KCNMB4: variants seen among roughly 807,000 people sequenced by gnomAD.
KCNMB4 encodes potassium calcium-activated channel subfamily M regulatory beta subunit 4, also known as calcium-activated potassium channel subunit beta-4.
Under a neutral mutation model 20.7 loss-of-function variants are expected in KCNMB4, and 3 were observed. The ratio of observed to expected loss-of-function variants is 0.14; its 90% CI spans 0.07 to 0.37. The LOEUF is 0.37. Ranked by LOEUF, KCNMB4 falls within the 10% of genes least tolerant of loss-of-function variation. The pLI is 1.00. For synonymous variants in KCNMB4, 110 were observed against 113.4 expected (o/e 0.97, Z 0.19); for missense variants, 168 against 265.9 (o/e 0.63, Z 2.56).
chr12:70,390,787 C>T (rs988344181), intron 1 of KCNMB4, among the ~76,000 whole-genome samples: 5 of 152,208 alleles, frequency 3.3e-5, no homozygotes, highest in African/African-American at 1.2e-4. Context: ...AGTTCATGGA[C>T]TCCCTGGGCC....
chr12:70,369,378 G>T (rs962336247), intron 1 of KCNMB4, among the ~76,000 whole-genome samples: 1 of 152,202 alleles, frequency 6.6e-6, no homozygotes. Flanking sequence ...TGTTTCCACA[G>T]TGTCCCTGCA....
chr12:70,390,458 C>T (rs1336067438), intron 1 of KCNMB4, among the ~76,000 whole-genome samples: 1 of 152,164 alleles, frequency 6.6e-6, no homozygotes, highest in African/African-American at 2.4e-5. Context: ...ACTTGTTTCT[C>T]AAAAGGAGAA....
At chr12:70,426,208 C>T (rs577525066) in intron 2 of KCNMB4, among the ~76,000 whole-genome samples, 4 of 151,722 alleles carry the variant, frequency 2.6e-5, no homozygotes, top group Admixed American at 2.0e-4. Flanking sequence ...GCAGGAGAAT[C>T]GCTTGAACCC....
intron 2 of KCNMB4, among the ~76,000 whole-genome samples, chr12:70,405,389 G>A (rs710647): frequency 6.4e-4 from 97 of 152,240 alleles, no homozygotes; most frequent in African/African-American, 1.8e-3. Context: ...ATGAAACATT[G>A]CTGAACCTCA....
chr12:70,394,009 C>G (rs527414938), intron 1 of KCNMB4, among the ~76,000 whole-genome samples: 4 of 152,304 alleles, frequency 2.6e-5, no homozygotes, highest in African/African-American at 7.2e-5. Context: ...CTCTTATACT[C>G]TGGAGGCCAA....
At chr12:70,415,725 T>C (rs1032695798) in intron 2 of KCNMB4, among the ~76,000 whole-genome samples, 6 of 152,226 alleles carry the variant, frequency 3.9e-5, no homozygotes, top group Non-Finnish European at 8.8e-5. Flanking sequence ...TCTCCTTCTT[T>C]AATATTACCT....
At chr12:70,387,630 G>A (rs1868268444) in intron 1 of KCNMB4, among the ~76,000 whole-genome samples, 1 of 151,768 alleles carries the variant, frequency 6.6e-6, no homozygotes, top group South Asian at 2.1e-4. Context: ...TCAAACTCCT[G>A]ACCTCAAGTC....
chr12:70,373,374 A>G (rs1883632539), intron 1 of KCNMB4, among the ~76,000 whole-genome samples: 1 of 152,202 alleles, frequency 6.6e-6, no homozygotes, highest in African/African-American at 2.4e-5. Context: ...TCAGAGTGAT[A>G]GAGTTTGAGA....
intron 1 of KCNMB4, among the ~76,000 whole-genome samples, chr12:70,395,431 T>G (rs1868342452): frequency 6.6e-6 from 1 of 152,124 alleles, no homozygotes; most frequent in South Asian, 2.1e-4. Context: ...GCCCAAATGA[T>G]TGAAATGCAG....
intron 2 of KCNMB4, among the ~76,000 whole-genome samples, chr12:70,409,276 A>C (rs567975779): frequency 6.6e-6 from 1 of 152,302 alleles, no homozygotes; most frequent in African/African-American, 2.4e-5. Context: ...GCCTGGATTC[A>C]GGCTCTCACC....
chr12:70,398,680 A>G (rs1164199673), intron 1 of KCNMB4, among the ~76,000 whole-genome samples: 3 of 152,250 alleles, frequency 2.0e-5, no homozygotes, highest in Non-Finnish European at 4.4e-5. Flanking sequence ...CATCTTGAAT[A>G]AAAATGTATC....
intron 2 of KCNMB4, among the ~76,000 whole-genome samples, chr12:70,411,719 G>A (rs1320612239): frequency 6.6e-6 from 1 of 152,188 alleles, no homozygotes; most frequent in Admixed American, 6.5e-5. Flanking sequence ...TGAGATGGGA[G>A]GATCATTTGA....
At chr12:70,395,583 A>G (rs1256535874) in intron 1 of KCNMB4, among the ~76,000 whole-genome samples, 1 of 152,204 alleles carries the variant, frequency 6.6e-6, no homozygotes, top group South Asian at 2.1e-4. Flanking sequence ...CTAAGTAATA[A>G]TAAGTACGTA....
chr12:70,419,240 C>T (rs180994852), intron 2 of KCNMB4, among the ~76,000 whole-genome samples: 251 of 152,260 alleles, frequency 1.6e-3, no homozygotes, highest in African/African-American at 3.3e-3. Flanking sequence ...TTCTTTAGCA[C>T]TAGGCATCGC....
Position 70,367,022 on chromosome 12 carries a change from T to G in KCNMB4, c.288T>G (p.Ser96=), listed in dbSNP as rs776418718. The part of the protein sequence containing the change: ...QVYVNNSESN[S]RALLHSDEHQ... ...ACGTGAACAACTCTGAGTCCAACTC[T>G]AGGGCGCTGCTGCACAGCGACGAGC... Residue 96 remains serine (S), a synonymous_variant, in exon 1 of 3, where the codon TCT becomes TCG. Transcript: ENST00000258111. 6 of 1,580,472 alleles carry G rather than the reference T, an allele frequency of 3.8e-6. No homozygotes were observed. In the African/African-American group the frequency reaches 6.7e-5, roughly 18 times the overall value.
intron 1 of KCNMB4, among the ~76,000 whole-genome samples, chr12:70,384,098 T>G (rs968377345): frequency 3.1e-4 from 47 of 152,142 alleles, no homozygotes; most frequent in African/African-American, 1.1e-3. Flanking sequence ...AGTCATTGAA[T>G]TTAGGGCCTA....
rs142635185 is a variant in KCNMB4, at chr12:70,382,835, T to C, written c.336+15765T>C. 2.4e-3 allele frequency among the ~76,000 whole-genome samples: 361 copies of C among 152,306 alleles called. 1 individual carries two copies. The highest frequency in any genetic ancestry group is 6.8e-3 in the Middle Eastern group (2 of 294). On this transcript the variant is annotated intron_variant, in intron 1 of 2. Transcript: ENST00000258111. Reference sequence around the variant, plus strand: ...ACATGAAAAATATGTGGTATCTCACTAAAAATCAAAGAAATACAGTCGTTC... The same window carrying C: ...ACATGAAAAATATGTGGTATCTCACCAAAAATCAAAGAAATACAGTCGTTC...
At position 70,433,848 on chromosome 12, in the gene KCNMB4, T is replaced by A. The variant is rs1869429289; in HGVS notation, c.*3195T>A. Reference sequence around the variant, plus strand: ...TCTAGGAAAGTCTTGCTCGTCAGCTTCTGTGGCCCCGTCTGAAACTTTTGA... The same window carrying A: ...TCTAGGAAAGTCTTGCTCGTCAGCTACTGTGGCCCCGTCTGAAACTTTTGA... On this transcript the variant is annotated 3_prime_UTR_variant, in exon 3 of 3. Transcript: ENST00000258111. 1 of 152,238 alleles carries A rather than the reference T, an allele frequency of 6.6e-6. No homozygotes were observed. The allele number at this position is 152,238 out of a possible 1,614,324, so 9.4% of individuals were successfully genotyped here. A position where few individuals can be genotyped will look rare whatever the true frequency, so the allele number is the denominator to read the frequency against.
intron 2 of KCNMB4, among the ~76,000 whole-genome samples, chr12:70,408,008 A>G (rs770188089): frequency 6.6e-6 from 1 of 152,188 alleles, no homozygotes; most frequent in Non-Finnish European, 1.5e-5. Context: ...CACCTATAGC[A>G]GTTGTGTTAA....
Sources: allele counts gnomAD v4.1 joint callset (sites outside exome capture counted in the v4.1 genomes callset), GRCh38; gene constraint gnomAD v4.1.1; transcripts MANE v1.5; gene names NCBI Gene and HGNC (gene_info 2026-07-23, HGNC 2026-07-21).